Variants in CSMD1 observed in about 807,000 individuals in gnomAD.
The protein encoded by CSMD1 is CUB and Sushi multiple domains 1.
Under a neutral mutation model 417.5 loss-of-function variants are expected in CSMD1, and 213 were observed. The observed-to-expected ratio is 0.51, with a 90% CI of 0.46 to 0.57. The LOEUF is 0.57. CSMD1 is among the 20% of genes least tolerant of loss of function. The pLI is 0.00. For synonymous variants in CSMD1, 2,862 were observed against 1,736.8 expected, an observed-to-expected ratio of 1.65 and a Z score of -16.11; for missense variants, 6,923 against 4,529.7, an observed-to-expected ratio of 1.53 and a Z score of -15.17.
chr8:3,719,267 C>G (rs917473525), intron 6 of CSMD1, among the ~76,000 whole-genome samples: 2 of 152,016 alleles, frequency 1.3e-5, no homozygotes, highest in African/African-American at 4.8e-5. Context: ...TTACAAAAAC[C>G]CCAGTTTCAG....
At chr8:4,508,136 G>A (rs1802629417) in intron 2 of CSMD1, among the ~76,000 whole-genome samples, 1 of 139,966 alleles carries the variant, frequency 7.1e-6, no homozygotes, top group Non-Finnish European at 1.5e-5. Context: ...AATTGCAGAT[G>A]TAGGAGGCAG....
At chr8:3,052,038 G>C (rs1811854230) in intron 50 of CSMD1, among the ~76,000 whole-genome samples, 1 of 152,148 alleles carries the variant, frequency 6.6e-6, no homozygotes, top group Admixed American at 6.6e-5. Flanking sequence ...AATAAATGAG[G>C]CACTGCTTTT....
At chr8:3,757,566 C>G (rs1019657310) in intron 5 of CSMD1, among the ~76,000 whole-genome samples, 6 of 152,082 alleles carry the variant, frequency 3.9e-5, no homozygotes, top group Non-Finnish European at 1.5e-5. Flanking sequence ...ATATATGAAG[C>G]GATTTGTAAA....
rs1461737461 is a variant in CSMD1 at position 4,893,801 on chromosome 8, G to A, written c.85+100531C>T. 2.0e-5 allele frequency among the ~76,000 whole-genome samples: 3 copies of A among 152,164 alleles called. No homozygotes were observed. In the East Asian group the frequency reaches 5.8e-4, roughly 29 times the overall value. ...AATGTCACATTGTTCAGATTCCAAT[G>A]TCTTTTTAGCATATGTTGATATCTG... On this transcript the variant is annotated intron_variant, in intron 1 of 69. Coordinates refer to ENST00000635120, the MANE Select transcript of CSMD1 (RefSeq NM_033225.6).
Position 4,265,714 on chromosome 8 carries a change from A to G in CSMD1, c.415+154239T>C, listed in dbSNP as rs1405355584. On this transcript the variant is annotated intron_variant, in intron 3 of 69. Transcript: ENST00000635120. ...TATTATTTGACATGTTACGATTAGG[A>G]AACAGTTAATGCAACATAAAATGTT... Among the ~76,000 whole-genome samples the G allele has an allele frequency of 1.9e-5, 2 of 104,862 alleles. 1 individual carries two copies. Among genetic ancestry groups the G allele is most frequent in the Non-Finnish European group, 5.1e-5 (2 of 39,096 alleles). The allele number at this position is 104,862 out of a possible 152,430, so 68.8% of individuals were successfully genotyped here. A position where few individuals can be genotyped will look rare whatever the true frequency, so the allele number is the denominator to read the frequency against.
chr8:3,702,076 G>A (rs962228056), intron 7 of CSMD1: 5 of 152,082 alleles, frequency 3.3e-5, no homozygotes, highest in African/African-American at 9.7e-5. Context: ...AATTCCAGGG[G>A]CATTTATTTT....
intron 10 of CSMD1, among the ~76,000 whole-genome samples, chr8:3,552,685 T>A (rs1246623268): frequency 1.3e-5 from 2 of 152,206 alleles, no homozygotes; most frequent in African/African-American, 2.4e-5. Context: ...GTTCATATAC[T>A]CCATTTGGGT....
At chr8:3,407,731 T>C (rs1258281477) in intron 14 of CSMD1, among the ~76,000 whole-genome samples, 168 bp downstream of exon 14, 1 of 152,166 alleles carries the variant, frequency 6.6e-6, no homozygotes, top group Non-Finnish European at 1.5e-5. Context: ...ATACATTTGT[T>C]TTTAAGTTTT....
At chr8:4,168,866 C>T (rs866485325) in intron 3 of CSMD1, among the ~76,000 whole-genome samples, 7 of 152,114 alleles carry the variant, frequency 4.6e-5, no homozygotes, top group African/African-American at 1.7e-4. Context: ...TTGCTTTAGA[C>T]ACGGTGACTG....
chr8:4,272,891 G>C (rs572791819), intron 3 of CSMD1, among the ~76,000 whole-genome samples: 2 of 152,206 alleles, frequency 1.3e-5, no homozygotes, highest in African/African-American at 4.8e-5. Context: ...TTAAGTTGTA[G>C]CTTTAGCTTC....
In CSMD1 at chr8:4,504,162, G is replaced by C. The variant is rs550503841; in HGVS notation, c.303-84097C>G. 9.8e-4 allele frequency among the ~76,000 whole-genome samples: 149 copies of C among 152,184 alleles called. 1 individual carries two copies. The highest frequency in any genetic ancestry group is 1.7e-3 in the Non-Finnish European group (114 of 67,998). On this transcript the variant is annotated intron_variant, in intron 2 of 69. Transcript: ENST00000635120. ...ATTACTCTTCACTCTTCAAAAGGGA[G>C]ATCCTGCCATAGCAACAATATGGAT... is the stretch of plus-strand genomic sequence containing the variant.
chr8:4,933,622 C>A (rs1224708438), intron 1 of CSMD1, among the ~76,000 whole-genome samples: 2 of 152,050 alleles, frequency 1.3e-5, no homozygotes, highest in African/African-American at 4.8e-5. Context: ...GACCCCACAA[C>A]CACAATGTAC....
intron 49 of CSMD1, among the ~76,000 whole-genome samples, chr8:3,076,575 C>T (rs184138747): frequency 1.4e-3 from 213 of 152,280 alleles, no homozygotes; most frequent in Non-Finnish European, 2.2e-3. Flanking sequence ...GGAGATGCTC[C>T]GATTGCTGGA....
At chr8:3,730,057 A>C (rs991635882) in intron 6 of CSMD1, among the ~76,000 whole-genome samples, 4 of 151,246 alleles carry the variant, frequency 2.6e-5, no homozygotes, top group Non-Finnish European at 5.9e-5. Flanking sequence ...CAGGTCCTCT[A>C]CCTTAAGGCT....
intron 1 of CSMD1, among the ~76,000 whole-genome samples, chr8:4,718,440 G>A (rs1436868180): frequency 1.3e-5 from 2 of 152,034 alleles, no homozygotes; most frequent in African/African-American, 4.8e-5. Context: ...TTCTTAAGCA[G>A]GAATGAAATC....
At chr8:3,131,507 T>C (rs1442229352) in intron 41 of CSMD1, among the ~76,000 whole-genome samples, 1 of 150,998 alleles carries the variant, frequency 6.6e-6, no homozygotes, top group African/African-American at 2.4e-5. Flanking sequence ...AGTCTCACTC[T>C]ATTGCTCAGG....
rs556392897 is a variant in CSMD1, at chr8:3,715,841, C to A, written c.932-7350G>T. Among the ~76,000 whole-genome samples, 3 of 152,176 alleles carry A rather than the reference C, an allele frequency of 2.0e-5. No homozygotes were observed. The South Asian group carries it at 6.2e-4, about 32-fold the overall frequency. On this transcript the variant is annotated intron_variant, in intron 6 of 69. Transcript: ENST00000635120. ...TGCAGGCATGAGCCACAGCGCCCGGCCTGCAAACAGCTTTTTAAAAGGCAC... is the reference window on the plus strand; with the variant it reads ...TGCAGGCATGAGCCACAGCGCCCGGACTGCAAACAGCTTTTTAAAAGGCAC...
chr8:4,730,877 G>A (rs1007990404), intron 1 of CSMD1, among the ~76,000 whole-genome samples: 3 of 151,484 alleles, frequency 2.0e-5, no homozygotes, highest in African/African-American at 7.3e-5. Flanking sequence ...TGTCTCCCTT[G>A]AGAAAGGCTT....
At chr8:4,600,470 G>T (rs565395351) in intron 2 of CSMD1, among the ~76,000 whole-genome samples, 191 of 152,286 alleles carry the variant, frequency 1.3e-3, no homozygotes, top group Middle Eastern at 3.4e-3. Flanking sequence ...TTTTCTTGAA[G>T]TCTGTTTACA....
Sources: gnomAD v4.1 joint callset for allele counts (sites outside exome capture counted in the v4.1 genomes callset) on GRCh38, gnomAD v4.1.1 for gene constraint, MANE v1.5 for transcripts, NCBI Gene and HGNC (gene_info 2026-07-23, HGNC 2026-07-21) for gene names.